The following STPG2 variants were observed in gnomAD, a reference collection of about 807,000 sequenced individuals.
STPG2 encodes sperm-tail PG-rich repeat-containing protein 2.
STPG2 carries 56 observed loss-of-function variants against 54.2 expected under a neutral mutation model. The observed-to-expected ratio is 1.03, with a 90% CI of 0.83 to 1.29. The LOEUF (loss-of-function observed/expected upper bound fraction) is 1.29, where lower values mean the gene tolerates loss of function less well. STPG2 is among the 50% of genes most tolerant of loss of function. The pLI, the probability that STPG2 is intolerant of heterozygous loss-of-function variation, is 0.00. For missense variants in STPG2, 596 were observed against 544.9 expected (o/e 1.09, Z -0.93); for synonymous variants, 200 against 181.8 (o/e 1.10, Z -0.81).
intron 10 of STPG2, among the ~76,000 whole-genome samples, chr4:97,661,957 C>A (rs1255336302): frequency 6.6e-6 from 1 of 152,096 alleles, no homozygotes; most frequent in Non-Finnish European, 1.5e-5. Flanking sequence ...TATAGAAGTT[C>A]TACTGATTTT....
chr4:97,768,312 A>T (rs1014243460), intron 9 of STPG2, among the ~76,000 whole-genome samples: 1 of 152,248 alleles, frequency 6.6e-6, no homozygotes, highest in Non-Finnish European at 1.5e-5. Flanking sequence ...TTATAAATTT[A>T]GAAAAAAGAG....
chr4:97,740,310 G>A (rs1167069459), intron 9 of STPG2, among the ~76,000 whole-genome samples: 1 of 152,100 alleles, frequency 6.6e-6, no homozygotes, highest in East Asian at 1.9e-4. Flanking sequence ...GCACAAGACA[G>A]GGATGCCCCC....
intron 4 of STPG2, among the ~76,000 whole-genome samples, chr4:97,467,472 A>G (rs1044812099): frequency 2.0e-5 from 3 of 151,890 alleles, no homozygotes; most frequent in Non-Finnish European, 4.4e-5. Flanking sequence ...TCGCCAAATG[A>G]AGTTTTCAAC....
intron 8 of STPG2, among the ~76,000 whole-genome samples, chr4:97,854,012 G>A (rs993663938): frequency 2.6e-5 from 4 of 152,228 alleles, no homozygotes; most frequent in African/African-American, 9.6e-5. Context: ...GTTTTTTAAA[G>A]ATAACGTCTC....
At chr4:97,811,489 G>T (rs924405701) in intron 9 of STPG2, among the ~76,000 whole-genome samples, 1 of 151,778 alleles carries the variant, frequency 6.6e-6, no homozygotes, top group Non-Finnish European at 1.5e-5. Context: ...TTTAAACATA[G>T]TTCCATTGTC....
At chr4:97,473,675 C>A (rs1730000708) in intron 4 of STPG2, among the ~76,000 whole-genome samples, 2 of 152,102 alleles carry the variant, frequency 1.3e-5, no homozygotes, top group African/African-American at 4.8e-5. Flanking sequence ...TGACCCACAC[C>A]CTATTCAAAC....
chr4:97,754,928 G>C (rs1445072238), intron 9 of STPG2, among the ~76,000 whole-genome samples: 4 of 152,076 alleles, frequency 2.6e-5, no homozygotes, highest in Admixed American at 2.6e-4. Context: ...CCACAACCAT[G>C]ACACAGAAAT....
intron 8 of STPG2, among the ~76,000 whole-genome samples, chr4:97,929,380 G>A (rs1267594231): frequency 6.6e-6 from 1 of 151,962 alleles, no homozygotes; most frequent in Non-Finnish European, 1.5e-5. Flanking sequence ...ATATTCCTTT[G>A]GGAATATACC....
chr4:97,598,607 A>C (rs900932401), intron 10 of STPG2, among the ~76,000 whole-genome samples: 1 of 151,944 alleles, frequency 6.6e-6, no homozygotes, highest in Non-Finnish European at 1.5e-5. Context: ...AGAGAGCCCA[A>C]TATCAAGCTG....
intron 8 of STPG2, among the ~76,000 whole-genome samples, chr4:97,910,380 C>T (rs985097944): frequency 3.3e-5 from 5 of 152,176 alleles, no homozygotes; most frequent in African/African-American, 1.2e-4. Flanking sequence ...TGCATATACT[C>T]CCAAAAGACT....
chr4:97,622,335 C>T (rs1363787220), intron 10 of STPG2, among the ~76,000 whole-genome samples: 1 of 152,074 alleles, frequency 6.6e-6, no homozygotes, highest in Non-Finnish European at 1.5e-5. Context: ...GGAAGTCAAA[C>T]CACCCTTGTT....
At position 98,046,293 on chromosome 4, in the gene STPG2, G is replaced by T. The variant is rs541034305; in HGVS notation, c.612+59660C>A. ...TAAGGATCCTTATGGCCATTATTTT[G>T]GATTCTTTGTTAGATAAATTACTTA... is the stretch of plus-strand genomic sequence containing the variant. On this transcript the variant is annotated intron_variant, in intron 5 of 10. Coordinates refer to ENST00000295268, the MANE Select transcript of STPG2 (RefSeq NM_174952.3). Among the ~76,000 whole-genome samples the T allele has an allele frequency of 4.6e-5, 7 of 151,924 alleles. No individual in the cohort carries two copies. The South Asian group carries it at 1.5e-3, about 32-fold the overall frequency.
chr4:97,932,807 A>T (rs554540201), intron 8 of STPG2, among the ~76,000 whole-genome samples: 2 of 152,310 alleles, frequency 1.3e-5, no homozygotes, highest in African/African-American at 4.8e-5. Context: ...TGCTATTGTG[A>T]ATAGTGCTGC....
chr4:97,441,377 A>C (rs1729075379), intron 4 of STPG2: 1 of 152,036 alleles, frequency 6.6e-6, no homozygotes, highest in South Asian at 2.1e-4. Flanking sequence ...GAAAAAAACA[A>C]ATATTATATA....
intron 10 of STPG2, among the ~76,000 whole-genome samples, chr4:97,560,187 C>CT (rs1276898366): frequency 2.0e-5 from 3 of 152,124 alleles, no homozygotes; most frequent in African/African-American, 7.2e-5. Context: ...AGTCAAAATT[C>CT]TTATTCCAAC....
intron 8 of STPG2, among the ~76,000 whole-genome samples, chr4:97,931,447 G>T (rs895454833): frequency 1.3e-5 from 2 of 152,128 alleles, no homozygotes; most frequent in African/African-American, 4.8e-5. Flanking sequence ...TAATCATGTG[G>T]TTTTTGTCTC....
intron 8 of STPG2, among the ~76,000 whole-genome samples, chr4:97,852,533 G>T (rs1440440578): frequency 6.6e-6 from 1 of 152,120 alleles, no homozygotes; most frequent in Non-Finnish European, 1.5e-5. Flanking sequence ...TCAGTGAGAC[G>T]AATTGTAGAA....
intron 4 of STPG2, among the ~76,000 whole-genome samples, chr4:97,534,511 C>T (rs75465011): frequency 1.3e-5 from 2 of 152,068 alleles, no homozygotes; most frequent in African/African-American, 4.8e-5. Context: ...TCAGTATCTC[C>T]AGCAACATTT....
intron 9 of STPG2, among the ~76,000 whole-genome samples, chr4:97,742,359 T>TAAA (rs1560510773): frequency 1.3e-5 from 2 of 150,860 alleles, no homozygotes; most frequent in African/African-American, 4.9e-5. Flanking sequence ...AAACTTAAAG[T>TAAA]ATAATAATAA....
Sources: allele counts gnomAD v4.1 joint callset (sites outside exome capture counted in the v4.1 genomes callset), GRCh38; gene constraint gnomAD v4.1.1; transcripts MANE v1.5; gene names NCBI Gene and HGNC (gene_info 2026-07-23, HGNC 2026-07-21).